Variants in KAZN observed in about 807,000 individuals in gnomAD.
KAZN encodes the protein kazrin, periplakin interacting protein, also known as kazrin.
In KAZN, 40 loss-of-function variants were observed where a neutral mutation model predicts 87.4. The ratio of observed to expected loss-of-function variants is 0.46; its 90% CI spans 0.36 to 0.60. KAZN has a LOEUF of 0.60. Ranked by LOEUF, KAZN falls within the 20% of genes least tolerant of loss-of-function variation. The pLI is 0.00. For synonymous variants in KAZN, 466 were observed against 458.3 expected (o/e 1.02, Z -0.22); for missense variants, 898 against 1,073.9 (o/e 0.84, Z 2.29).
At chr1:14,418,260 C>G (rs762636250) in intron 2 of KAZN, among the ~76,000 whole-genome samples, 3 of 152,048 alleles carry the variant, frequency 2.0e-5, no homozygotes, top group South Asian at 2.1e-4. Context: ...CCACAAGTTC[C>G]TAACTATATG....
chr1:14,081,808 A>G (rs886106765), intron 1 of KAZN, among the ~76,000 whole-genome samples: 1 of 152,172 alleles, frequency 6.6e-6, no homozygotes, highest in Non-Finnish European at 1.5e-5. Flanking sequence ...TCTGGAGTGC[A>G]GTGGTCCAAT....
Position 15,039,949 on chromosome 1 carries a change from T to C in KAZN, c.556-4040T>C, listed in dbSNP as rs988580033. ...CAGATTCATTCAGAAAAATGAACTTTGGAAAATACTGATTTTAAAAAAATT... is the reference window on the plus strand; with the variant it reads ...CAGATTCATTCAGAAAAATGAACTTCGGAAAATACTGATTTTAAAAAAATT... On this transcript the variant is annotated intron_variant, in intron 3 of 14. Transcript: ENST00000376030. Among the ~76,000 whole-genome samples the C allele has an allele frequency of 7.9e-5, 12 of 152,340 alleles. No homozygotes were observed. The East Asian group carries it at 2.3e-3, about 29-fold the overall frequency.
intron 1 of KAZN, among the ~76,000 whole-genome samples, chr1:14,922,892 C>T (rs1280755456): frequency 1.3e-5 from 2 of 151,610 alleles, no homozygotes; most frequent in South Asian, 2.1e-4. Context: ...GGTGAGGATG[C>T]GGGGGCGGGG....
intron 10 of KAZN, among the ~76,000 whole-genome samples, chr1:15,095,366 T>C (rs1201391250): frequency 6.6e-6 from 1 of 151,882 alleles, no homozygotes; most frequent in East Asian, 1.9e-4. Flanking sequence ...TAGGCGTGAG[T>C]GGGCTTGGTG....
chr1:15,063,838 G>A lies in KAZN; in HGVS notation c.1098+216G>A, dbSNP rs544598827. Among the ~76,000 whole-genome samples, 493 of 134,710 alleles carry A rather than the reference G, an allele frequency of 3.7e-3. 5 individuals carry two copies. The highest frequency in any genetic ancestry group is 0.018 in the African/African-American group (467 of 25,772). The allele number at this position is 134,710 out of a possible 152,430, so 88.4% of individuals were successfully genotyped here. ...CACATCCATGCCGCACACCCAAGGCGGAGAGGATTTATGCCACTTCCGCTG... is the reference window on the plus strand; with the variant it reads ...CACATCCATGCCGCACACCCAAGGCAGAGAGGATTTATGCCACTTCCGCTG... On this transcript the variant is annotated intron_variant, in intron 7 of 14. Coordinates refer to ENST00000376030, the MANE Select transcript of KAZN (RefSeq NM_201628.3).
chr1:14,767,981 C>A (rs1644928068), intron 1 of KAZN, among the ~76,000 whole-genome samples: 1 of 152,160 alleles, frequency 6.6e-6, no homozygotes, highest in Non-Finnish European at 1.5e-5. Flanking sequence ...AAACTAAGGG[C>A]CAGGTTCAGG....
chr1:14,837,426 C>T (rs1317300852), intron 1 of KAZN, among the ~76,000 whole-genome samples: 10 of 152,190 alleles, frequency 6.6e-5, no homozygotes, highest in African/African-American at 1.2e-4. Context: ...CTCGAACTCC[C>T]GACCTCAGGT....
intron 8 of KAZN, among the ~76,000 whole-genome samples, chr1:15,080,154 G>A (rs1490863679): frequency 6.6e-6 from 1 of 152,174 alleles, no homozygotes; most frequent in East Asian, 1.9e-4. Context: ...TTGGGAGAAG[G>A]GTGGCTGGTC....
In KAZN at chr1:14,960,851, G is replaced by T. The variant is rs767387886; in HGVS notation, c.394G>T (p.Ala132Ser). Residue 132 changes from alanine (A) to serine (S), a missense_variant, in exon 2 of 15, where the codon GCC becomes TCC. Transcript: ENST00000376030. ...VQLAQKEQEL[A>S]RAKEALQAMK... ...GCTGGCCCAGAAGGAGCAGGAGCTAGCCAGAGCCAAAGAAGCCTTGCAGGG... is the reference window on the plus strand; with the variant it reads ...GCTGGCCCAGAAGGAGCAGGAGCTATCCAGAGCCAAAGAAGCCTTGCAGGG... 6.2e-7 allele frequency: 1 copy of T among 1,609,732 alleles called. No individual in the cohort carries two copies. Among genetic ancestry groups the T allele is most frequent in the East Asian group, 2.2e-5 (1 of 44,788 alleles).
chr1:14,432,684 A>G (rs1666141521), intron 2 of KAZN, among the ~76,000 whole-genome samples: 1 of 152,030 alleles, frequency 6.6e-6, no homozygotes, highest in Admixed American at 6.6e-5. Flanking sequence ...TAAGCCCTGC[A>G]TGCATTAGGT....
intron 8 of KAZN, chr1:15,067,055 G>C: frequency 1.0e-6 from 1 of 985,720 alleles, no homozygotes; most frequent in Non-Finnish European, 1.2e-6. Flanking sequence ...TGGGACCCTG[G>C]CCTGAGTCTG....
intron 1 of KAZN, among the ~76,000 whole-genome samples, chr1:14,696,780 G>A (rs1641625298): frequency 6.6e-6 from 1 of 152,214 alleles, no homozygotes; most frequent in Admixed American, 6.5e-5. Flanking sequence ...GGCTGATCCT[G>A]TTGCTCCAGG....
At position 15,021,354 on chromosome 1, in the gene KAZN, C is replaced by T. The variant is rs1315967207; in HGVS notation, c.419-13395C>T. On this transcript the variant is annotated intron_variant, in intron 2 of 14. Coordinates refer to ENST00000376030, the MANE Select transcript of KAZN (RefSeq NM_201628.3). The surrounding 1 kb of genome is among the most constrained non-coding windows in gnomAD (Gnocchi z 4.2). ...TTTCCAGAAATCTCCATTTCCCCCT[C>T]CCGCTTCAACCTAGGGAATGTCCGT... Among the ~76,000 whole-genome samples the T allele has an allele frequency of 2.6e-5, 4 of 152,218 alleles. No individual in the cohort carries two copies. Among genetic ancestry groups the T allele is most frequent in the Non-Finnish European group, 5.9e-5 (4 of 68,040 alleles).
intron 1 of KAZN, among the ~76,000 whole-genome samples, chr1:14,955,746 C>A (rs1000661923): frequency 3.3e-5 from 5 of 152,224 alleles, no homozygotes; most frequent in Non-Finnish European, 5.9e-5. Flanking sequence ...TGGCACCCAG[C>A]TCCATCTCAC....
At chr1:15,095,777 A>AT (rs1321016111) in intron 10 of KAZN, among the ~76,000 whole-genome samples, 1 of 152,042 alleles carries the variant, frequency 6.6e-6, no homozygotes, top group African/African-American at 2.4e-5. Flanking sequence ...AGCTTAGGGG[A>AT]TTTTTTTAGA....
chr1:14,660,995 C>T (rs1458373498), intron 1 of KAZN, among the ~76,000 whole-genome samples: 4 of 152,136 alleles, frequency 2.6e-5, no homozygotes, highest in East Asian at 1.9e-4. Context: ...CGCAGAATAA[C>T]GTCACTGATT....
chr1:14,107,059 C>CTTCT (rs1303649864), intron 1 of KAZN, among the ~76,000 whole-genome samples: 8 of 139,744 alleles, frequency 5.7e-5, no homozygotes, highest in African/African-American at 2.1e-4. Context: ...TCCTTCCTTC[C>CTTCT]TTCCTTCCTT....
At position 14,971,137 on chromosome 1, in the gene KAZN, CTT is replaced by C. The variant is rs111373016; in HGVS notation, c.418+10265_418+10266del. On this transcript the variant is annotated intron_variant, in intron 2 of 14. Coordinates refer to ENST00000376030, the MANE Select transcript of KAZN (RefSeq NM_201628.3). ...TTCTGGCCGGATGCAATGGCTCATG[CTT>C]TTGTAATACCATCACTTTGAGAGGC... Among the ~76,000 whole-genome samples the C allele has an allele frequency of 8.0e-3, 1,221 of 152,300 alleles. 14 individuals carry two copies. The highest frequency in any genetic ancestry group is 0.028 in the African/African-American group (1,156 of 41,562).
chr1:14,506,278 G>C (rs894920849), intron 2 of KAZN, among the ~76,000 whole-genome samples: 1 of 152,134 alleles, frequency 6.6e-6, no homozygotes, highest in Non-Finnish European at 1.5e-5. Context: ...TCAAGGCCCA[G>C]CTGATATAAC....
Sources: allele counts gnomAD v4.1 joint callset (sites outside exome capture counted in the v4.1 genomes callset), GRCh38; gene constraint gnomAD v4.1.1; non-coding constraint Gnocchi (gnomAD v3.1); transcripts MANE v1.5; gene names NCBI Gene and HGNC (gene_info 2026-07-23, HGNC 2026-07-21).